The following DNAH7 variants were observed in gnomAD, a reference collection of about 807,000 sequenced individuals.
DNAH7 encodes the protein axonemal beta dynein heavy chain 7.
DNAH7 carries 397 observed loss-of-function variants against 444.6 expected under a neutral mutation model. The ratio of observed to expected loss-of-function variants is 0.89; its 90% CI spans 0.82 to 0.97. DNAH7 has a LOEUF of 0.97. Ranked by LOEUF, DNAH7 falls within the 50% of genes least tolerant of loss-of-function variation. The pLI is 0.00. For missense variants in DNAH7, 4,902 were observed against 4,800.8 expected (o/e 1.02, Z -0.62); for synonymous variants, 1,636 against 1,624.4 (o/e 1.01, Z -0.17).
At chr2:195,738,998 C>T (rs992287599) in intron 64 of DNAH7, among the ~76,000 whole-genome samples, 1 of 152,174 alleles carries the variant, frequency 6.6e-6, no homozygotes, top group African/African-American at 2.4e-5. Flanking sequence ...CAAATACTAA[C>T]TACAATGTAA....
chr2:196,032,565 T>C (rs1416068918), intron 5 of DNAH7, among the ~76,000 whole-genome samples: 1 of 152,110 alleles, frequency 6.6e-6, no homozygotes, highest in Non-Finnish European at 1.5e-5. Context: ...AAGGATCAAA[T>C]ATGACCCAAT....
chr2:195,889,865 A>C lies in DNAH7; in HGVS notation c.5047-884T>G, dbSNP rs182936042. Among the ~76,000 whole-genome samples, 242 of 152,250 alleles carry C rather than the reference A, an allele frequency of 1.6e-3. 5 individuals are homozygous for C. In the East Asian group the frequency reaches 0.038, roughly 24 times the overall value. ...TGAACTCTTTCCTGATGGTATAGAA[A>C]ATTACAACCAATATAACATTCACAG... is the stretch of plus-strand genomic sequence containing the variant. On this transcript the variant is annotated intron_variant, in intron 31 of 64. Coordinates refer to ENST00000312428, the MANE Select transcript of DNAH7 (RefSeq NM_018897.3).
chr2:195,865,357 C>T (rs1305653279), intron 40 of DNAH7, among the ~76,000 whole-genome samples: 1 of 152,144 alleles, frequency 6.6e-6, no homozygotes, highest in African/African-American at 2.4e-5. Flanking sequence ...GATAGCAGAG[C>T]TGGGCACCAG....
At chr2:195,940,870 C>A (rs1486513844) in intron 19 of DNAH7, among the ~76,000 whole-genome samples, 1 of 152,084 alleles carries the variant, frequency 6.6e-6, no homozygotes, top group Non-Finnish European at 1.5e-5. Context: ...AGTCAGGAAA[C>A]AACAGATGCT....
Position 195,957,352 on chromosome 2 carries a change from G to A in DNAH7, c.2987C>T (p.Ser996Phe). Residue 996 changes from serine (S) to phenylalanine (F), a missense_variant, in exon 19 of 65, where the codon TCT becomes TTT. Transcript: ENST00000312428. ...TWLYLEPIFS[S>F]PDIMSQMPEE... The stretch of plus-strand genomic sequence containing the variant: ...AGGCATTTGAGACATAATGTCTGGA[G>A]AGCTGAAAATGGGCTCCAGATACAG... 1 of 1,608,142 alleles carries A rather than the reference G, an allele frequency of 6.2e-7. No individual in the cohort carries two copies. The highest frequency in any genetic ancestry group is 8.5e-7 in the Non-Finnish European group (1 of 1,176,010).
intron 15 of DNAH7, among the ~76,000 whole-genome samples, chr2:195,978,603 A>G (rs57517027): frequency 0.066 from 10,089 of 152,212 alleles, 410 homozygotes; most frequent in African/African-American, 0.12. Context: ...TAAATGGACT[A>G]AACTCTCCAA....
intron 61 of DNAH7, among the ~76,000 whole-genome samples, chr2:195,765,899 A>G (rs1409603715): frequency 1.3e-5 from 2 of 152,164 alleles, no homozygotes; most frequent in Non-Finnish European, 2.9e-5. Flanking sequence ...AAAGGAAATC[A>G]GTATATTGAA....
At chr2:195,740,190 G>A (rs893359322) in intron 64 of DNAH7, among the ~76,000 whole-genome samples, 1 of 152,106 alleles carries the variant, frequency 6.6e-6, no homozygotes, top group African/African-American at 2.4e-5. Flanking sequence ...TCTCCATGTT[G>A]GTCAGGCTGG....
At chr2:195,947,869 A>G (rs1315468692) in intron 19 of DNAH7, among the ~76,000 whole-genome samples, 2 of 152,186 alleles carry the variant, frequency 1.3e-5, no homozygotes, top group African/African-American at 4.8e-5. Flanking sequence ...GAATCACCAC[A>G]CTGTCTTCCA....
intron 51 of DNAH7, among the ~76,000 whole-genome samples, chr2:195,812,218 T>C (rs1418598974): frequency 6.6e-6 from 1 of 152,026 alleles, no homozygotes; most frequent in Non-Finnish European, 1.5e-5. Context: ...CAAACTATCC[T>C]TGAAAAGCCC....
chr2:195,916,658 G>A (rs1687698467), intron 24 of DNAH7, among the ~76,000 whole-genome samples: 1 of 152,112 alleles, frequency 6.6e-6, no homozygotes, highest in African/African-American at 2.4e-5. Context: ...AGGAGTTTGA[G>A]ACCAGCCTGG....
intron 15 of DNAH7, among the ~76,000 whole-genome samples, chr2:195,983,340 T>C (rs1478129664): frequency 2.0e-5 from 3 of 152,068 alleles, no homozygotes; most frequent in Admixed American, 2.0e-4. Context: ...GAAAATAGGT[T>C]TTTTGGCTGA....
chr2:195,936,807 A>G lies in DNAH7; in HGVS notation c.3079-15T>C, dbSNP rs773880253. ...ACATGTTTATCCTAAAAATAAAAAT[A>G]AAAAACACTCAATTCAAAAATATTA... On this transcript the variant is annotated splice_polypyrimidine_tract_variant and intron_variant, in intron 19 of 64. Coordinates refer to ENST00000312428, the MANE Select transcript of DNAH7 (RefSeq NM_018897.3). 1 of 1,486,122 alleles carries G rather than the reference A, an allele frequency of 6.7e-7. No individual in the cohort carries two copies. Among genetic ancestry groups the G allele is most frequent in the Non-Finnish European group, 8.9e-7 (1 of 1,119,204 alleles). 92.1% of individuals were successfully genotyped at this position (1,486,122 alleles called of 1,614,324 possible).
chr2:195,917,446 G>A (rs1212296457), intron 24 of DNAH7, among the ~76,000 whole-genome samples: 1 of 152,174 alleles, frequency 6.6e-6, no homozygotes, highest in African/African-American at 2.4e-5. Flanking sequence ...AATCACAGGA[G>A]AAAGAACACA....
At chr2:195,930,092 C>T (rs926961032) in intron 21 of DNAH7, among the ~76,000 whole-genome samples, 1 of 152,116 alleles carries the variant, frequency 6.6e-6, no homozygotes, top group African/African-American at 2.4e-5. Context: ...CGCCTGTAAT[C>T]CCAGAACTTT....
chr2:195,754,979 CTATCA>C (rs1447962743), intron 62 of DNAH7, among the ~76,000 whole-genome samples: 1 of 152,148 alleles, frequency 6.6e-6, no homozygotes, highest in Non-Finnish European at 1.5e-5. Context: ...AATTTCATAC[CTATCA>C]TATCAGCTTG....
chr2:195,824,510 C>T (rs1697625354), intron 48 of DNAH7, 65 bp from the exon 49 acceptor site: 1 of 1,344,944 alleles, frequency 7.4e-7, no homozygotes, highest in Non-Finnish European at 9.9e-7. Context: ...TATAAATATT[C>T]AACCCTCCAA....
intron 40 of DNAH7, among the ~76,000 whole-genome samples, chr2:195,867,417 G>A (rs890213752): frequency 6.6e-6 from 1 of 152,094 alleles, no homozygotes; most frequent in Non-Finnish European, 1.5e-5. Flanking sequence ...TTACCTCAAA[G>A]TCTTGATTGC....
chr2:196,057,338 C>T (rs967825320), intron 2 of DNAH7, among the ~76,000 whole-genome samples: 3 of 152,142 alleles, frequency 2.0e-5, no homozygotes, highest in African/African-American at 7.2e-5. Context: ...AATATTTATT[C>T]AGCAAGTAAA....
Sources: allele counts gnomAD v4.1 joint callset (sites outside exome capture counted in the v4.1 genomes callset), GRCh38; gene constraint gnomAD v4.1.1; transcripts MANE v1.5; gene names NCBI Gene and HGNC (gene_info 2026-07-23, HGNC 2026-07-21).